Variants in SYT9 observed in about 807,000 individuals in gnomAD.
SYT9 encodes synaptotagmin 9.
A neutral mutation model predicts 48.4 loss-of-function variants in SYT9; 22 were observed. The observed-to-expected ratio is 0.45, with a 90% CI of 0.32 to 0.65. The LOEUF (loss-of-function observed/expected upper bound fraction) is 0.65. SYT9 is among the 30% of genes least tolerant of loss of function. SYT9 has a pLI of 0.03. For missense variants in SYT9, 577 were observed against 622.0 expected, an observed-to-expected ratio of 0.93 and a Z score of 0.77; for synonymous variants, 265 against 245.0, an observed-to-expected ratio of 1.08 and a Z score of -0.76.
rs144285026 is a variant in SYT9 at position 7,390,760 on chromosome 11, G to T, written c.1045-25282G>T. On this transcript the variant is annotated intron_variant, in intron 3 of 6. Coordinates refer to ENST00000318881, the MANE Select transcript of SYT9 (RefSeq NM_175733.4). ...ATCAGGGCATATTCTCTGAACTCAA[G>T]GCAATAAAGCTACAAGACAAAGATA... Among the ~76,000 whole-genome samples the T allele has an allele frequency of 1.8e-3, 276 of 152,250 alleles. 1 individual carries two copies. The highest frequency in any genetic ancestry group is 2.7e-3 in the Non-Finnish European group (181 of 68,016).
At chr11:7,426,221 C>T (rs556756275) in intron 6 of SYT9, among the ~76,000 whole-genome samples, 1 of 152,122 alleles carries the variant, frequency 6.6e-6, no homozygotes, top group East Asian at 1.9e-4. Context: ...GCATATTGTT[C>T]TGCTTGTCTT....
chr11:7,466,461 G>T (rs1007937941), intron 6 of SYT9, among the ~76,000 whole-genome samples: 2 of 152,092 alleles, frequency 1.3e-5, no homozygotes, highest in African/African-American at 4.8e-5. Context: ...AGTGACTCAC[G>T]CCTGTAATCC....
At chr11:7,268,733 T>G (rs1047742309) in intron 1 of SYT9, among the ~76,000 whole-genome samples, 1 of 152,064 alleles carries the variant, frequency 6.6e-6, no homozygotes, top group Non-Finnish European at 1.5e-5. Flanking sequence ...AAATATAACT[T>G]TATCGAGACG....
intron 6 of SYT9, among the ~76,000 whole-genome samples, chr11:7,437,446 G>A (rs1847732343): frequency 1.3e-5 from 2 of 152,014 alleles, no homozygotes; most frequent in Non-Finnish European, 1.5e-5. Flanking sequence ...TAGACTACTG[G>A]TCACAATCAT....
chr11:7,300,718 G>C (rs1329169157), intron 1 of SYT9, among the ~76,000 whole-genome samples: 1 of 152,198 alleles, frequency 6.6e-6, no homozygotes, highest in Non-Finnish European at 1.5e-5. Flanking sequence ...GTGTTGGAGA[G>C]GGCGGGGATT....
intron 3 of SYT9, among the ~76,000 whole-genome samples, chr11:7,349,519 G>T (rs1164727177): frequency 6.6e-6 from 1 of 152,084 alleles, no homozygotes; most frequent in Non-Finnish European, 1.5e-5. Flanking sequence ...TGGGCTGCGG[G>T]CAGGGGTCAT....
chr11:7,296,345 T>C (rs922438141), intron 1 of SYT9, among the ~76,000 whole-genome samples: 3 of 152,244 alleles, frequency 2.0e-5, no homozygotes, highest in Admixed American at 6.5e-5. Context: ...TTTGGCAATA[T>C]TGCATTTCCC....
chr11:7,355,566 C>T (rs1850005971), intron 3 of SYT9, among the ~76,000 whole-genome samples: 1 of 152,216 alleles, frequency 6.6e-6, no homozygotes, highest in African/African-American at 2.4e-5. Flanking sequence ...ACCCCACCTT[C>T]TTCCATAAGC....
At chr11:7,302,294 A>C (rs1438363860) in intron 1 of SYT9, among the ~76,000 whole-genome samples, 1 of 152,154 alleles carries the variant, frequency 6.6e-6, no homozygotes, top group Non-Finnish European at 1.5e-5. Flanking sequence ...TTACTCCCTC[A>C]CTGTAGGAAC....
chr11:7,308,311 A>G (rs1284636113), intron 2 of SYT9, among the ~76,000 whole-genome samples: 2 of 152,212 alleles, frequency 1.3e-5, no homozygotes, highest in Non-Finnish European at 2.9e-5. Flanking sequence ...GAACCAGGGA[A>G]AGGACAGGTC....
intron 3 of SYT9, among the ~76,000 whole-genome samples, chr11:7,362,824 A>G (rs529883310): frequency 1.2e-3 from 175 of 151,956 alleles, no homozygotes; most frequent in Non-Finnish European, 2.0e-3. Flanking sequence ...TGAAGATGTA[A>G]CCATTTACAT....
chr11:7,397,337 A>G (rs1391698549), intron 3 of SYT9, among the ~76,000 whole-genome samples: 1 of 152,166 alleles, frequency 6.6e-6, no homozygotes, highest in East Asian at 1.9e-4. Context: ...GACCATATAA[A>G]TGAGGGTTTA....
chr11:7,267,934 G>C (rs1304372713), intron 1 of SYT9, among the ~76,000 whole-genome samples: 2 of 151,894 alleles, frequency 1.3e-5, no homozygotes, highest in Non-Finnish European at 2.9e-5. Context: ...ACAATAGAAA[G>C]CACAAGAAAA....
intron 6 of SYT9, chr11:7,438,456 G>A (rs1186518024): frequency 2.0e-5 from 3 of 152,222 alleles, no homozygotes; most frequent in Non-Finnish European, 4.4e-5. Flanking sequence ...CTTAGTACAA[G>A]GGCAGAGGAC....
intron 3 of SYT9, among the ~76,000 whole-genome samples, chr11:7,328,125 T>C (rs1849468385): frequency 6.6e-6 from 1 of 151,630 alleles, no homozygotes. Flanking sequence ...TTCTTTTAGT[T>C]TTGTCTTGTA....
chr11:7,294,800 G>A (rs541759674), intron 1 of SYT9, among the ~76,000 whole-genome samples: 6 of 152,300 alleles, frequency 3.9e-5, no homozygotes, highest in African/African-American at 1.4e-4. Context: ...GGGCCATTTG[G>A]CCTATTGAAA....
intron 6 of SYT9, among the ~76,000 whole-genome samples, chr11:7,455,437 G>A (rs915664100): frequency 8.0e-5 from 12 of 150,640 alleles, no homozygotes; most frequent in Admixed American, 3.3e-4. Flanking sequence ...GGGCTCAAGC[G>A]ATTCTCCTAC....
At chr11:7,457,079 C>G (rs1848160856) in intron 6 of SYT9, 1 of 152,218 alleles carries the variant, frequency 6.6e-6, no homozygotes, top group South Asian at 2.1e-4. Flanking sequence ...GCGACCCTGC[C>G]TCCATCTCCT....
Position 7,329,060 on chromosome 11 carries a change from A to T in SYT9, c.1044+15119A>T, listed in dbSNP as rs541654560. On this transcript the variant is annotated intron_variant, in intron 3 of 6. Coordinates refer to ENST00000318881, the MANE Select transcript of SYT9 (RefSeq NM_175733.4). ...TTATTGTTTATCTTTCTTAGGATTC[A>T]TAGGGTGTCAGGAATCTGATGTGTC... Among the ~76,000 whole-genome samples the T allele has an allele frequency of 2.6e-5, 4 of 152,204 alleles. No homozygotes were observed. In the South Asian group the frequency reaches 8.3e-4, roughly 32 times the overall value.
Sources: allele counts gnomAD v4.1 joint callset (sites outside exome capture counted in the v4.1 genomes callset), GRCh38; gene constraint gnomAD v4.1.1; transcripts MANE v1.5; gene names NCBI Gene and HGNC (gene_info 2026-07-23, HGNC 2026-07-21).